FBLN1: variants seen among roughly 807,000 people sequenced by gnomAD.
The protein encoded by FBLN1 is fibulin-1.
In FBLN1, 34 loss-of-function variants were observed where a neutral mutation model predicts 89.7. That is an observed-to-expected ratio of 0.38 (90% confidence interval 0.29 to 0.50). FBLN1 has a LOEUF of 0.50. Ranked by LOEUF, FBLN1 falls within the 20% of genes least tolerant of loss-of-function variation. FBLN1 has a pLI of 0.92. For missense variants in FBLN1, 777 were observed against 988.1 expected (o/e 0.79, Z 2.86); for synonymous variants, 393 against 391.3 (o/e 1.00, Z -0.05).
chr22:45,596,923 A>G (rs1035080556), intron 16 of FBLN1, among the ~76,000 whole-genome samples: 1 of 149,092 alleles, frequency 6.7e-6, no homozygotes, highest in Non-Finnish European at 1.5e-5. Context: ...ATATATTTTT[A>G]ATATATTGTT....
chr22:45,523,011 GT>G (rs2088271040), intron 2 of FBLN1: 5 of 603,176 alleles, frequency 8.3e-6, no homozygotes, highest in Middle Eastern at 2.7e-4. Flanking sequence ...CCGTCTGATG[GT>G]TTGTAGGAAG....
chr22:45,571,572 G>C (rs1394931117), intron 14 of FBLN1, among the ~76,000 whole-genome samples: 1 of 152,232 alleles, frequency 6.6e-6, no homozygotes, highest in African/African-American at 2.4e-5. Context: ...TGAGGCTACT[G>C]TGTAGGTAAT....
chr22:45,587,719 G>A (rs1218488162), intron 16 of FBLN1, among the ~76,000 whole-genome samples: 3 of 152,148 alleles, frequency 2.0e-5, no homozygotes, highest in African/African-American at 7.2e-5. Flanking sequence ...AGCCACTCCA[G>A]CCCATGCCTC....
At chr22:45,584,663 C>G (rs2089069610) in intron 16 of FBLN1, among the ~76,000 whole-genome samples, 1 of 152,158 alleles carries the variant, frequency 6.6e-6, no homozygotes, top group Non-Finnish European at 1.5e-5. Flanking sequence ...GTGGTCTAGT[C>G]TGGAGGATAA....
At position 45,547,216 on chromosome 22, in the gene FBLN1, C is replaced by G. The variant is rs377280819; in HGVS notation, c.1441+12C>G. ...AGTCACCTGTGAAGGTGCGGACGCC[C>G]CTGCCTGCTGAGGGGGAAAGCACCC... On this transcript the variant is annotated intron_variant, in intron 12 of 16. Coordinates refer to ENST00000327858, the MANE Select transcript of FBLN1 (RefSeq NM_006486.3). 222 of 1,613,342 alleles carry G rather than the reference C, an allele frequency of 1.4e-4. No individual in the cohort carries two copies. The African/African-American group carries it at 2.7e-3, about 20-fold the overall frequency.
At chr22:45,525,063 C>T (rs1004839838) in intron 2 of FBLN1, among the ~76,000 whole-genome samples, 5 of 149,312 alleles carry the variant, frequency 3.3e-5, no homozygotes, top group Non-Finnish European at 4.4e-5. Flanking sequence ...CAGCCTAACT[C>T]CATCTCAAAG....
intron 3 of FBLN1, 31 bp from the exon 4 acceptor site, chr22:45,527,816 C>T (rs1602178054): frequency 1.2e-6 from 2 of 1,612,788 alleles, no homozygotes; most frequent in African/African-American, 1.3e-5. Flanking sequence ...CTGCCCGCTC[C>T]TCCATCTGGG....
intron 5 of FBLN1, 45 bp from the exon 6 acceptor site, chr22:45,533,018 T>G: frequency 6.5e-7 from 1 of 1,541,414 alleles, no homozygotes; most frequent in Non-Finnish European, 9.0e-7. Flanking sequence ...AACCAGGCGG[T>G]GCCTGGGTGC....
intron 2 of FBLN1, among the ~76,000 whole-genome samples, chr22:45,520,716 A>G (rs1254829408): frequency 1.3e-5 from 2 of 152,250 alleles, no homozygotes; most frequent in Non-Finnish European, 2.9e-5. Flanking sequence ...CCGCAGATTC[A>G]GCAGCACTCT....
chr22:45,573,842 GT>G (rs2088971584), intron 14 of FBLN1, among the ~76,000 whole-genome samples: 1 of 152,064 alleles, frequency 6.6e-6, no homozygotes, highest in Non-Finnish European at 1.5e-5. Context: ...TTATAAAGGC[GT>G]TTGCCTTGTA....
At chr22:45,592,291 T>C (rs576813445) in intron 16 of FBLN1, among the ~76,000 whole-genome samples, 1 of 152,280 alleles carries the variant, frequency 6.6e-6, no homozygotes, top group South Asian at 2.1e-4. Context: ...CTCTAGTTGG[T>C]GGCTTTGTGA....
intron 4 of FBLN1, 99 bp downstream of exon 4, chr22:45,528,108 G>A (rs563549478): frequency 2.2e-6 from 3 of 1,377,866 alleles, no homozygotes; most frequent in Non-Finnish European, 3.0e-6. Flanking sequence ...TAAGGACTTG[G>A]CTCATGTGAT....
In FBLN1 at chr22:45,579,604, G is replaced by A. The variant is rs573346879; in HGVS notation, c.1972+2496G>A. On this transcript the variant is annotated intron_variant, in intron 16 of 16. Transcript: ENST00000327858. This position sits in a 1 kb window ranked among gnomAD's most constrained non-coding sequence, Gnocchi z 5.5. ...GAGGCCCCTGCCTCTTCCACGCCTC[G>A]GTCTGTGTGCAGGATGCCCCACCTG... Among the ~76,000 whole-genome samples, 14 of 152,290 alleles carry A rather than the reference G, an allele frequency of 9.2e-5. No homozygotes were observed. In the East Asian group the frequency reaches 1.5e-3, roughly 17 times the overall value.
At chr22:45,586,647 C>T (rs1219178523) in intron 16 of FBLN1, among the ~76,000 whole-genome samples, 2 of 152,182 alleles carry the variant, frequency 1.3e-5, no homozygotes, top group African/African-American at 2.4e-5. Flanking sequence ...TTGGTCCCCA[C>T]GGACACATGC....
intron 14 of FBLN1, among the ~76,000 whole-genome samples, chr22:45,555,349 A>G (rs539081829): frequency 1.3e-5 from 2 of 151,464 alleles, no homozygotes; most frequent in Non-Finnish European, 2.9e-5. Context: ...GGATTAACTC[A>G]CATGATCACA....
intron 11 of FBLN1, among the ~76,000 whole-genome samples, chr22:45,546,367 C>T (rs1410686031): frequency 6.6e-6 from 1 of 152,184 alleles, no homozygotes; most frequent in South Asian, 2.1e-4. Flanking sequence ...CAGGTGCGTG[C>T]CACCATGCCT....
intron 2 of FBLN1, among the ~76,000 whole-genome samples, chr22:45,520,150 C>T (rs2088230028): frequency 6.6e-6 from 1 of 152,168 alleles, no homozygotes; most frequent in South Asian, 2.1e-4. Flanking sequence ...GCCTAGGTGA[C>T]AGAGTGAGAC....
rs559606432 is a variant in FBLN1, at chr22:45,590,615, G to A, written c.1973-9692G>A. ...AGGGGTGAAAAGGAAGGTGGTACAC[G>A]TGTTCAGGTAGATGCGACGAGGCCG... On this transcript the variant is annotated intron_variant, in intron 16 of 16. Coordinates refer to ENST00000327858, the MANE Select transcript of FBLN1 (RefSeq NM_006486.3). The surrounding 1 kb of genome is among the most constrained non-coding windows in gnomAD (Gnocchi z 4.1). Among the ~76,000 whole-genome samples, 5 of 152,332 alleles carry A rather than the reference G, an allele frequency of 3.3e-5. No individual in the cohort carries two copies. The South Asian group carries it at 1.0e-3, about 32-fold the overall frequency.
chr22:45,594,728 GGATA>G (rs3043821), intron 16 of FBLN1, among the ~76,000 whole-genome samples: 10,974 of 150,438 alleles, frequency 0.073, 484 homozygotes, highest in Middle Eastern at 0.2. Flanking sequence ...ATGGATGGAT[GGATA>G]GATGGATGGG....
Sources: allele counts gnomAD v4.1 joint callset (sites outside exome capture counted in the v4.1 genomes callset), GRCh38; gene constraint gnomAD v4.1.1; non-coding constraint Gnocchi (gnomAD v3.1); transcripts MANE v1.5; gene names NCBI Gene and HGNC (gene_info 2026-07-23, HGNC 2026-07-21).